Variants in ATOSA observed in about 807,000 individuals in gnomAD.
The protein encoded by ATOSA is atos homolog protein A.
the ATOSA span, among the ~76,000 whole-genome samples, chr15:52,681,195 A>C: frequency 2.0e-5 from 3 of 152,230 alleles, no homozygotes; most frequent in African/African-American, 7.2e-5. Flanking sequence ...TAGAATCTTA[A>C]ACCTGTTCAA....
At chr15:52,673,759 G>T in the ATOSA span, among the ~76,000 whole-genome samples, 117 of 152,262 alleles carry the variant, frequency 7.7e-4, no homozygotes, top group African/African-American at 2.7e-3. Context: ...GCACCTAATT[G>T]CTTTGCTACA....
chr15:52,651,267 G>T, the ATOSA span, among the ~76,000 whole-genome samples: 1 of 152,138 alleles, frequency 6.6e-6, no homozygotes, highest in Admixed American at 6.5e-5. Context: ...GTTGAATTAT[G>T]ATGCTTTATC....
At chr15:52,584,399 A>C in the ATOSA span, among the ~76,000 whole-genome samples, 20 of 152,070 alleles carry the variant, frequency 1.3e-4, no homozygotes, top group African/African-American at 4.6e-4. Context: ...TGGCCTCCCA[A>C]AGTGCTGGAA....
the ATOSA span, among the ~76,000 whole-genome samples, chr15:52,652,950 G>T: frequency 7.2e-5 from 11 of 152,084 alleles, no homozygotes; most frequent in African/African-American, 2.4e-4. Context: ...AAGGTAGTAG[G>T]GGATGAACAG....
the ATOSA span, chr15:52,679,112 A>T: frequency 1.3e-5 from 2 of 152,788 alleles, no homozygotes; most frequent in African/African-American, 4.8e-5. Context: ...ACCCGAGACG[A>T]CCAGCCCGAA....
chr15:52,637,287 A>G, the ATOSA span, among the ~76,000 whole-genome samples: 6 of 152,182 alleles, frequency 3.9e-5, no homozygotes, highest in African/African-American at 1.4e-4. Context: ...GGTGAAGTCA[A>G]GTTGGGGGGC....
At chr15:52,584,735 G>T in the ATOSA span, 2 of 1,599,914 alleles carry the variant, frequency 1.3e-6, no homozygotes. Flanking sequence ...ATATTAATTT[G>T]AAGCATTACC....
At chr15:52,630,819 T>C in the ATOSA span, among the ~76,000 whole-genome samples, 2 of 152,218 alleles carry the variant, frequency 1.3e-5, no homozygotes, top group South Asian at 2.1e-4. Flanking sequence ...GATACACTCA[T>C]ATAATGGGAT....
the ATOSA span, chr15:52,586,924 A>C: frequency 1.4e-6 from 1 of 708,902 alleles, no homozygotes; most frequent in South Asian, 2.4e-5. Flanking sequence ...GCAAACTGTC[A>C]TATGCTATTT....
chr15:52,619,819 A>G, the ATOSA span, among the ~76,000 whole-genome samples: 3 of 145,230 alleles, frequency 2.1e-5, no homozygotes, highest in East Asian at 5.9e-4. Flanking sequence ...TGACAGAGAG[A>G]CTGTCTTAAA....
At chr15:52,688,318 G>C in the ATOSA span, among the ~76,000 whole-genome samples, 8 of 152,320 alleles carry the variant, frequency 5.3e-5, no homozygotes, top group East Asian at 1.5e-3. Flanking sequence ...GGATGTGGTA[G>C]CAAAGAAGCT....
At chr15:52,585,085 A>T in the ATOSA span, 2 of 603,234 alleles carry the variant, frequency 3.3e-6, no homozygotes, top group Admixed American at 7.3e-5. Context: ...GACTAAAATT[A>T]ACACAATTTC....
At chr15:52,617,245 C>A in the ATOSA span, among the ~76,000 whole-genome samples, 1 of 152,156 alleles carries the variant, frequency 6.6e-6, no homozygotes, top group Non-Finnish European at 1.5e-5. Context: ...TTTCCCCCAC[C>A]TCCCCCAGGC....
At chr15:52,682,173 T>G in the ATOSA span, among the ~76,000 whole-genome samples, 1 of 152,168 alleles carries the variant, frequency 6.6e-6, no homozygotes, top group Non-Finnish European at 1.5e-5. Context: ...TAGCACAAAT[T>G]TCATTTGTAA....
the ATOSA span, among the ~76,000 whole-genome samples, chr15:52,673,029 A>G: frequency 6.6e-6 from 1 of 152,250 alleles, no homozygotes; most frequent in African/African-American, 2.4e-5. Context: ...CAAAACATGC[A>G]GCTGAATTAG....
chr15:52,621,948 C>G, the ATOSA span, among the ~76,000 whole-genome samples: 1 of 151,782 alleles, frequency 6.6e-6, no homozygotes, highest in South Asian at 2.1e-4. Context: ...CTATGGGGTT[C>G]AAGCAATTCT....
At chr15:52,597,661 T>C in the ATOSA span, among the ~76,000 whole-genome samples, 2 of 152,280 alleles carry the variant, frequency 1.3e-5, no homozygotes, top group East Asian at 3.9e-4. Context: ...TGGACTGAAC[T>C]GAATGAAGAA....
chr15:52,621,027 T>C, the ATOSA span, among the ~76,000 whole-genome samples: 1 of 152,178 alleles, frequency 6.6e-6, no homozygotes, highest in Non-Finnish European at 1.5e-5. Context: ...TATGAATTTA[T>C]CCCCAGGAAA....
At chr15:52,624,623 G>A in the ATOSA span, among the ~76,000 whole-genome samples, 1 of 152,180 alleles carries the variant, frequency 6.6e-6, no homozygotes, top group African/African-American at 2.4e-5. Context: ...AGCACGATTT[G>A]ACAGCTCTAT....
Sources: allele counts gnomAD v4.1 joint callset (sites outside exome capture counted in the v4.1 genomes callset), GRCh38; gene constraint gnomAD v4.1.1; transcripts MANE v1.5; gene names NCBI Gene and HGNC (gene_info 2026-07-23, HGNC 2026-07-21).